CDH13: variants seen among roughly 807,000 people sequenced by gnomAD.
CDH13 encodes the protein cadherin-13.
A neutral mutation model predicts 63.8 loss-of-function variants in CDH13; 24 were observed. That is an observed-to-expected ratio of 0.38 (90% confidence interval 0.27 to 0.53). The LOEUF (loss-of-function observed/expected upper bound fraction) is 0.53, where lower values mean the gene tolerates loss of function less well. CDH13 is among the 20% of genes least tolerant of loss of function. The pLI, the probability that CDH13 is intolerant of heterozygous loss-of-function variation, is 0.85. For synonymous variants in CDH13, 503 were observed against 355.3 expected (o/e 1.42, Z -4.67); for missense variants, 1,049 against 903.1 (o/e 1.16, Z -2.07).
chr16:82,687,080 GGAACT>G (rs1438225409), intron 1 of CDH13, among the ~76,000 whole-genome samples: 1 of 152,200 alleles, frequency 6.6e-6, no homozygotes. Context: ...AGAGGGGAAT[GGAACT>G]GAGTCTTACC....
At chr16:82,705,736 G>C (rs773014520) in intron 1 of CDH13, among the ~76,000 whole-genome samples, 2 of 152,256 alleles carry the variant, frequency 1.3e-5, no homozygotes, top group Non-Finnish European at 2.9e-5. Context: ...AGAAGATTAA[G>C]AGGCTGTGCT....
At chr16:83,308,417 A>G (rs956936103) in intron 5 of CDH13, among the ~76,000 whole-genome samples, 5 of 152,366 alleles carry the variant, frequency 3.3e-5, no homozygotes, top group Middle Eastern at 3.4e-3. Context: ...TTCAAGGTCC[A>G]ACACAGGATT....
intron 6 of CDH13, among the ~76,000 whole-genome samples, chr16:83,439,874 G>C (rs1358358770): frequency 6.6e-6 from 1 of 152,060 alleles, no homozygotes; most frequent in African/African-American, 2.4e-5. Flanking sequence ...TCAATCCTTG[G>C]TGTCCTTTCT....
intron 4 of CDH13, among the ~76,000 whole-genome samples, chr16:83,198,683 G>A (rs1204039457): frequency 6.6e-6 from 1 of 152,156 alleles, no homozygotes; most frequent in Non-Finnish European, 1.5e-5. Flanking sequence ...AACCCAGAGT[G>A]CAGGATTGGT....
chr16:83,052,991 C>A (rs1158297874), intron 3 of CDH13, among the ~76,000 whole-genome samples: 1 of 151,850 alleles, frequency 6.6e-6, no homozygotes, highest in Non-Finnish European at 1.5e-5. Context: ...TGCAGTGAGA[C>A]CATAAGCCTT....
chr16:83,763,519 T>C (rs1271722879), intron 11 of CDH13, among the ~76,000 whole-genome samples: 1 of 152,202 alleles, frequency 6.6e-6, no homozygotes, highest in Non-Finnish European at 1.5e-5. Context: ...TTCAGAAAGA[T>C]ACCTCAGCCT....
intron 11 of CDH13, among the ~76,000 whole-genome samples, chr16:83,759,779 T>A (rs893538075): frequency 6.6e-6 from 1 of 151,500 alleles, no homozygotes; most frequent in Admixed American, 6.6e-5. Flanking sequence ...ATAAAAAAAA[T>A]TATCCAAGTG....
At chr16:82,765,494 T>C (rs1310122284) in intron 1 of CDH13, among the ~76,000 whole-genome samples, 1 of 152,118 alleles carries the variant, frequency 6.6e-6, no homozygotes, top group African/African-American at 2.4e-5. Flanking sequence ...CGCTGACAGC[T>C]CCCCACCAAC....
chr16:83,507,219 A>G (rs973811706), intron 7 of CDH13, among the ~76,000 whole-genome samples: 2 of 152,180 alleles, frequency 1.3e-5, no homozygotes, highest in Non-Finnish European at 2.9e-5. Context: ...TATTAATGCC[A>G]CTGTCACAAG....
intron 1 of CDH13, among the ~76,000 whole-genome samples, chr16:82,645,321 C>A (rs1435040564): frequency 1.3e-5 from 2 of 152,182 alleles, no homozygotes; most frequent in East Asian, 1.9e-4. Flanking sequence ...CAGAATAATT[C>A]TTCTGGTGTC....
intron 6 of CDH13, among the ~76,000 whole-genome samples, chr16:83,354,902 A>G (rs2151379122): frequency 6.6e-6 from 1 of 152,352 alleles, no homozygotes; most frequent in South Asian, 2.1e-4. Flanking sequence ...TGTATTGACT[A>G]TGGCTGCTTT....
rs563030597 is a variant in CDH13, at chr16:83,788,524, G to T, written c.2134+5052G>T. 7.3e-5 allele frequency among the ~76,000 whole-genome samples: 11 copies of T among 151,348 alleles called. No individual in the cohort carries two copies. The South Asian group carries it at 2.3e-3, about 32-fold the overall frequency. On this transcript the variant is annotated intron_variant, in intron 13 of 13. Transcript: ENST00000567109. ...CAGTATTTTTTTCTTACCAACAAGG[G>T]ATTTTCTTGTGGTCCTCACTTTGAG... is the stretch of plus-strand genomic sequence containing the variant.
At chr16:83,565,949 A>G (rs1904277055) in intron 7 of CDH13, among the ~76,000 whole-genome samples, 1 of 152,146 alleles carries the variant, frequency 6.6e-6, no homozygotes, top group South Asian at 2.1e-4. Context: ...TTCTTTCAGC[A>G]CCCACCTCTC....
intron 5 of CDH13, among the ~76,000 whole-genome samples, chr16:83,302,822 C>G (rs137914369): frequency 5.9e-5 from 9 of 152,304 alleles, no homozygotes; most frequent in African/African-American, 2.2e-4. Flanking sequence ...AGTGAGGTTG[C>G]TTTAGCTTCA....
chr16:83,707,226 C>A (rs1255395985), intron 10 of CDH13, among the ~76,000 whole-genome samples: 2 of 152,214 alleles, frequency 1.3e-5, no homozygotes, highest in African/African-American at 4.8e-5. Context: ...CCATCACAAT[C>A]CTGTTGGTCT....
chr16:83,118,092 A>C (rs2035394659), intron 3 of CDH13, among the ~76,000 whole-genome samples: 1 of 152,182 alleles, frequency 6.6e-6, no homozygotes, highest in Non-Finnish European at 1.5e-5. Context: ...AGGCTGGATG[A>C]GGCTGCAGCA....
chr16:82,704,931 C>G (rs967154196), intron 1 of CDH13: 1 of 331,450 alleles, frequency 3.0e-6, no homozygotes, highest in Non-Finnish European at 5.9e-6. Flanking sequence ...AAATCAAGCC[C>G]GGGATATTGA....
chr16:83,512,040 G>A (rs183829879), intron 7 of CDH13, among the ~76,000 whole-genome samples: 71 of 152,224 alleles, frequency 4.7e-4, no homozygotes, highest in African/African-American at 1.6e-3. Flanking sequence ...TAAAGGAAGG[G>A]GCCAGGCGCG....
intron 10 of CDH13, among the ~76,000 whole-genome samples, chr16:83,719,996 G>A (rs142853822): frequency 0.019 from 2,948 of 152,214 alleles, 40 homozygotes; most frequent in South Asian, 0.038. Flanking sequence ...GCACATCAGC[G>A]AGCCTCCATT....
Sources: allele counts gnomAD v4.1 joint callset (sites outside exome capture counted in the v4.1 genomes callset), GRCh38; gene constraint gnomAD v4.1.1; transcripts MANE v1.5; gene names NCBI Gene and HGNC (gene_info 2026-07-23, HGNC 2026-07-21).